The following SLC6A9 variants were observed in gnomAD, a reference collection of about 807,000 sequenced individuals.
SLC6A9 encodes solute carrier family 6 member 9, also known as sodium- and chloride-dependent glycine transporter 1.
Under a neutral mutation model 70.9 loss-of-function variants are expected in SLC6A9, and 31 were observed. The ratio of observed to expected loss-of-function variants is 0.44; its 90% CI spans 0.33 to 0.59. The LOEUF (loss-of-function observed/expected upper bound fraction) is 0.59, where lower values mean the gene tolerates loss of function less well. SLC6A9 is among the 20% of genes least tolerant of loss of function. SLC6A9 has a pLI of 0.04. For synonymous variants in SLC6A9, 310 were observed against 341.3 expected (o/e 0.91, Z 1.01); for missense variants, 631 against 845.2 (o/e 0.75, Z 3.14).
intron 2 of SLC6A9, among the ~76,000 whole-genome samples, chr1:44,019,928 G>A (rs1307094254): frequency 7.0e-6 from 1 of 142,452 alleles, no homozygotes; most frequent in African/African-American, 2.5e-5. Context: ...GGGCTACAGG[G>A]TTGAGTAGGT....
chr1:44,017,083 C>T lies in SLC6A9; in HGVS notation c.31-6201G>A, dbSNP rs112726936. 5.7e-5 allele frequency: 91 copies of T among 1,604,042 alleles called. 1 individual carries two copies. The highest frequency in any genetic ancestry group is 3.8e-4 in the African/African-American group (28 of 74,418). On this transcript the variant is annotated intron_variant, in intron 2 of 13. Transcript: ENST00000372310. ...AAGAGGGGGCCACAGGTCCATGAGC[C>T]GCGGCCATCCTGGGGCGAGCGATCG...
At chr1:44,004,999 G>A (rs1557675263) in intron 5 of SLC6A9, among the ~76,000 whole-genome samples, 1 of 152,234 alleles carries the variant, frequency 6.6e-6, no homozygotes, top group Non-Finnish European at 1.5e-5. Flanking sequence ...TGTGCTGCCT[G>A]AGCTCCTATC....
chr1:44,011,646 T>TCTGCTAGGGAAGTAGAGGGAGTGGCTC, intron 2 of SLC6A9: 1 of 1,613,918 alleles, frequency 6.2e-7, no homozygotes. Context: ...GAGGACAGAC[T>TCTGCTAGGGAAGTAGAGGGAGTGGCTC]CTGCTAGGGA....
rs3038812 is a variant in SLC6A9, at chr1:44,017,368, AACACACACAC to A, written c.31-6496_31-6487del. ...CTTGTTCCCAGCAAGTAACTGGAAC[AACACACACAC>A]ACACACACACACACACACACACACA... On this transcript the variant is annotated intron_variant, in intron 2 of 13. Transcript: ENST00000372310. 15,234 of 826,576 alleles carry A rather than the reference AACACACACAC, an allele frequency of 0.018. 250 individuals are homozygous for A. The highest frequency in any genetic ancestry group is 0.12 in the African/African-American group (6,303 of 53,986). The allele number at this position is 826,576 out of a possible 1,614,324, so 51.2% of individuals were successfully genotyped here.
chr1:44,028,744 A>C (rs959584390), intron 1 of SLC6A9, among the ~76,000 whole-genome samples: 2 of 152,110 alleles, frequency 1.3e-5, no homozygotes, highest in Non-Finnish European at 2.9e-5. Context: ...AACAAGAGCA[A>C]AACTCCGTCA....
intron 12 of SLC6A9, 90 bp downstream of exon 12, chr1:44,000,677 G>A (rs2086057285): frequency 2.4e-6 from 2 of 834,484 alleles, no homozygotes; most frequent in South Asian, 1.6e-5. Context: ...CCAGGTGCGG[G>A]AGCTCCCACT....
chr1:44,012,866 CCTGT>C (rs1408571770), intron 2 of SLC6A9, among the ~76,000 whole-genome samples: 2 of 152,170 alleles, frequency 1.3e-5, no homozygotes, highest in African/African-American at 4.8e-5. Flanking sequence ...CCTACAGAAT[CCTGT>C]CTGAGCATGT....
chr1:44,010,053 C>A lies in SLC6A9; in HGVS notation c.231G>T (p.Gly77=), dbSNP rs754698146. ...AGAGCTCCATGAAGAAGAGGGGGAT[C>A]CCGCAGAAGATGAGCATGATGAAGT... is the stretch of plus-strand genomic sequence containing the variant. ...FPYFIMLIFC[G]IPLFFMELSF... The change falls in exon 4 of 14, where the codon GGG becomes GGT. Residue 77 remains glycine, a synonymous_variant. Transcript: ENST00000372310. The A allele has an allele frequency of 2.5e-6, 4 of 1,614,062 alleles. No homozygotes were observed. Among genetic ancestry groups the A allele is most frequent in the Non-Finnish European group, 3.4e-6 (4 of 1,179,966 alleles).
At chr1:44,024,487 C>G (rs2086946276) in intron 1 of SLC6A9, 125 bp from the exon 2 acceptor site, 1 of 587,820 alleles carries the variant, frequency 1.7e-6, no homozygotes, top group Admixed American at 3.0e-5. Flanking sequence ...TGTCCATATC[C>G]TGCTCCTTTC....
At chr1:44,016,424 G>A (rs74758881) in intron 2 of SLC6A9, 1 of 152,868 alleles carries the variant, frequency 6.5e-6, no homozygotes, top group African/African-American at 2.4e-5. Flanking sequence ...ATGTCCTACA[G>A]GGGAGAAGTG....
At chr1:44,017,324 G>C (rs1163095719) in intron 2 of SLC6A9, 1 of 1,406,292 alleles carries the variant, frequency 7.1e-7, no homozygotes, top group Non-Finnish European at 9.2e-7. Flanking sequence ...GGGGTGTGTG[G>C]GGTTTGTTGT....
chr1:44,025,702 A>G (rs965965774), intron 1 of SLC6A9, among the ~76,000 whole-genome samples: 1 of 151,752 alleles, frequency 6.6e-6, no homozygotes, highest in African/African-American at 2.4e-5. Context: ...CGGGAGGCTG[A>G]GGCAGAAGAA....
At position 44,002,484 on chromosome 1, in the gene SLC6A9, C is replaced by G. The variant is rs1307614771; in HGVS notation, c.858+28G>C. 1 of 1,614,054 alleles carries G rather than the reference C, an allele frequency of 6.2e-7. No homozygotes were observed. The highest frequency in any genetic ancestry group is 1.3e-5 in the African/African-American group (1 of 75,036). On this transcript the variant is annotated intron_variant, in intron 7 of 13. Coordinates refer to ENST00000372310, the MANE Select transcript of SLC6A9 (RefSeq NM_001024845.3). The surrounding 1 kb of genome is among the most constrained non-coding windows in gnomAD (Gnocchi z 5.5). ...AGGCACCTCCCTGGCCCCTCCCCAG[C>G]CCCCTTCCGGTTTCCCTCACTTCCC...
At position 43,997,506 on chromosome 1, in the gene SLC6A9, C is replaced by G. The variant is rs201549864; in HGVS notation, c.*39G>C. ...GCCTCACCAGTCTCTGCGGTGGGAG[C>G]ACGGGGTGGGGGTGGGGCCACTCCC... is the stretch of plus-strand genomic sequence containing the variant. On this transcript the variant is annotated 3_prime_UTR_variant, in exon 14 of 14. Coordinates refer to ENST00000372310, the MANE Select transcript of SLC6A9 (RefSeq NM_001024845.3). This position sits in a 1 kb window ranked among gnomAD's most constrained non-coding sequence, Gnocchi z 4.4. The G allele has an allele frequency of 1.8e-4, 279 of 1,575,584 alleles. 2 individuals carry two copies. Among genetic ancestry groups the G allele is most frequent in the Non-Finnish European group, 2.3e-4 (259 of 1,149,488 alleles).
chr1:44,015,631 C>A (rs994604606), intron 2 of SLC6A9, among the ~76,000 whole-genome samples: 3 of 152,238 alleles, frequency 2.0e-5, no homozygotes, highest in African/African-American at 7.2e-5. Context: ...CCTCAGAAGA[C>A]CCCACGACCT....
Position 44,027,556 on chromosome 1 carries a change from A to T in SLC6A9, c.-85-3194T>A, listed in dbSNP as rs554112227. Among the ~76,000 whole-genome samples, 12 of 152,320 alleles carry T rather than the reference A, an allele frequency of 7.9e-5. No individual in the cohort carries two copies. In the South Asian group the frequency reaches 1.9e-3, roughly 24 times the overall value. On this transcript the variant is annotated intron_variant, in intron 1 of 13. Coordinates refer to ENST00000372310, the MANE Select transcript of SLC6A9 (RefSeq NM_001024845.3). Reference sequence around the variant, plus strand: ...GGCCACAGCTGGACTCATTTATTCCACAATATTGATTGCAGGTCTGCTCTG... The same window carrying T: ...GGCCACAGCTGGACTCATTTATTCCTCAATATTGATTGCAGGTCTGCTCTG...
intron 1 of SLC6A9, among the ~76,000 whole-genome samples, chr1:44,024,738 A>G (rs1287435759): frequency 2.0e-5 from 3 of 152,138 alleles, no homozygotes; most frequent in African/African-American, 7.2e-5. Flanking sequence ...CACTCTCCCC[A>G]TCCTCACCCC....
chr1:44,019,510 C>A (rs533586439), intron 2 of SLC6A9, among the ~76,000 whole-genome samples: 1 of 152,276 alleles, frequency 6.6e-6, no homozygotes, highest in Admixed American at 6.5e-5. Flanking sequence ...GGGCCACTGG[C>A]TCCAGGAAGG....
At position 43,997,367 on chromosome 1, in the gene SLC6A9, CAT is replaced by C; in HGVS notation, c.*176_*177del. ...AGCTGCTATCTTGGCATCCAAAGGA[CAT>C]GTAAACACTGGGGACATGAGCATGA... On this transcript the variant is annotated 3_prime_UTR_variant, in exon 14 of 14. Coordinates refer to ENST00000372310, the MANE Select transcript of SLC6A9 (RefSeq NM_001024845.3). This position sits in a 1 kb window ranked among gnomAD's most constrained non-coding sequence, Gnocchi z 4.4. The C allele has an allele frequency of 1.6e-6, 1 of 620,172 alleles. No individual in the cohort carries two copies. Among genetic ancestry groups the C allele is most frequent in the East Asian group, 2.8e-5 (1 of 36,312 alleles). 38.4% of individuals were successfully genotyped at this position (620,172 alleles called of 1,614,324 possible).
Sources: allele counts gnomAD v4.1 joint callset (sites outside exome capture counted in the v4.1 genomes callset), GRCh38; gene constraint gnomAD v4.1.1; non-coding constraint Gnocchi (gnomAD v3.1); transcripts MANE v1.5; gene names NCBI Gene and HGNC (gene_info 2026-07-23, HGNC 2026-07-21).